Variants in TTC28 observed in about 807,000 individuals in gnomAD.
TTC28 encodes the protein tetratricopeptide repeat protein 28.
Under a neutral mutation model 198.0 loss-of-function variants are expected in TTC28, and 61 were observed. The observed-to-expected ratio is 0.31, with a 90% CI of 0.25 to 0.38. TTC28 has a LOEUF of 0.38. Among genes scored for constraint, TTC28 ranks in the 10% least tolerant of loss-of-function variants. The pLI is 1.00. For missense variants in TTC28, 2,678 were observed against 3,164.0 expected, an observed-to-expected ratio of 0.85 and a Z score of 3.69; for synonymous variants, 1,171 against 1,297.8, an observed-to-expected ratio of 0.90 and a Z score of 2.10.
At chr22:28,444,595 C>T (rs948957917) in intron 2 of TTC28, among the ~76,000 whole-genome samples, 1 of 152,040 alleles carries the variant, frequency 6.6e-6, no homozygotes, top group African/African-American at 2.4e-5. Flanking sequence ...ATCTCACAGC[C>T]CTGCAAGGAA....
At chr22:28,357,616 T>C (rs908546391) in intron 2 of TTC28, among the ~76,000 whole-genome samples, 10 of 152,200 alleles carry the variant, frequency 6.6e-5, no homozygotes, top group African/African-American at 2.2e-4. Flanking sequence ...CAGCCACTTT[T>C]ATCAAATTTC....
chr22:28,329,692 AG>A (rs2045586138), intron 2 of TTC28, among the ~76,000 whole-genome samples: 1 of 151,928 alleles, frequency 6.6e-6, no homozygotes, highest in Non-Finnish European at 1.5e-5. Flanking sequence ...TTGTTTTTTT[AG>A]GTAGTTATTT....
intron 5 of TTC28, among the ~76,000 whole-genome samples, chr22:28,218,702 G>A (rs1366689869): frequency 6.6e-6 from 1 of 151,972 alleles, no homozygotes; most frequent in Non-Finnish European, 1.5e-5. Context: ...TTTAATCACT[G>A]CAAATACTAA....
intron 2 of TTC28, among the ~76,000 whole-genome samples, chr22:28,384,707 C>T (rs1360695974): frequency 2.0e-5 from 3 of 152,206 alleles, no homozygotes; most frequent in Non-Finnish European, 4.4e-5. Context: ...CTAAAATACT[C>T]CATTACATCT....
chr22:28,495,543 C>T (rs765936038), intron 2 of TTC28, among the ~76,000 whole-genome samples: 2 of 152,088 alleles, frequency 1.3e-5, no homozygotes, highest in African/African-American at 2.4e-5. Flanking sequence ...TTTTTCTTCC[C>T]ATGCTTCATT....
chr22:28,035,822 G>A (rs1939317701), intron 12 of TTC28, among the ~76,000 whole-genome samples: 1 of 152,176 alleles, frequency 6.6e-6, no homozygotes, highest in African/African-American at 2.4e-5. Context: ...AAGAAAAACA[G>A]CAGGGGTTGC....
At chr22:28,218,229 T>A (rs1248964424) in intron 5 of TTC28, among the ~76,000 whole-genome samples, 2 of 152,242 alleles carry the variant, frequency 1.3e-5, no homozygotes, top group African/African-American at 4.8e-5. Flanking sequence ...TGCCCACTCA[T>A]AATTTTATAA....
At chr22:28,406,565 A>G (rs892077982) in intron 2 of TTC28, among the ~76,000 whole-genome samples, 2 of 152,230 alleles carry the variant, frequency 1.3e-5, no homozygotes, top group African/African-American at 4.8e-5. Flanking sequence ...ACACATAGAA[A>G]GATAATCATA....
intron 12 of TTC28, among the ~76,000 whole-genome samples, chr22:28,087,948 C>A (rs1289030275): frequency 6.6e-6 from 1 of 152,156 alleles, no homozygotes; most frequent in East Asian, 1.9e-4. Flanking sequence ...AGGAATCCAA[C>A]TTACAAGGGA....
intron 2 of TTC28, among the ~76,000 whole-genome samples, chr22:28,480,175 G>A (rs572532567): frequency 1.3e-5 from 2 of 152,292 alleles, no homozygotes; most frequent in Admixed American, 1.3e-4. Flanking sequence ...AGAGAAACAA[G>A]AGTGCTCCTA....
At chr22:28,185,030 G>A (rs1924061464) in intron 5 of TTC28, among the ~76,000 whole-genome samples, 1 of 152,084 alleles carries the variant, frequency 6.6e-6, no homozygotes, top group Non-Finnish European at 1.5e-5. Flanking sequence ...TGATAGTCAT[G>A]GGACTTTAGG....
intron 2 of TTC28, among the ~76,000 whole-genome samples, chr22:28,597,151 T>A (rs1398807483): frequency 6.6e-6 from 1 of 152,196 alleles, no homozygotes; most frequent in African/African-American, 2.4e-5. Context: ...AGTTTGTGCA[T>A]TTTTTGTCTT....
At chr22:28,427,059 A>ATAACATT (rs2047360811) in intron 2 of TTC28, among the ~76,000 whole-genome samples, 1 of 152,232 alleles carries the variant, frequency 6.6e-6, no homozygotes, top group Non-Finnish European at 1.5e-5. Flanking sequence ...AAACCTACAG[A>ATAACATT]TAACATTTTT....
At chr22:28,326,187 G>A (rs1020824150) in intron 2 of TTC28, among the ~76,000 whole-genome samples, 3 of 152,104 alleles carry the variant, frequency 2.0e-5, no homozygotes, top group Admixed American at 6.5e-5. Context: ...TGTAATATGG[G>A]TGAAACTCAA....
At chr22:28,391,578 T>C (rs1423030636) in intron 2 of TTC28, among the ~76,000 whole-genome samples, 5 of 152,214 alleles carry the variant, frequency 3.3e-5, no homozygotes, top group Non-Finnish European at 7.3e-5. Flanking sequence ...CCTTCTTGCT[T>C]CATTTCATTC....
intron 5 of TTC28, among the ~76,000 whole-genome samples, chr22:28,232,176 C>T (rs1928861346): frequency 6.6e-6 from 1 of 152,304 alleles, no homozygotes; most frequent in East Asian, 1.9e-4. Flanking sequence ...CACTCCAGCA[C>T]AGCTGTTTGA....
intron 2 of TTC28, among the ~76,000 whole-genome samples, chr22:28,410,642 G>A (rs1358640427): frequency 1.3e-5 from 2 of 152,194 alleles, no homozygotes; most frequent in Non-Finnish European, 1.5e-5. Flanking sequence ...CATTCAAAAA[G>A]GGGGAATAGC....
intron 22 of TTC28, 79 bp from the exon 23 acceptor site, chr22:27,983,930 C>CTT: frequency 7.2e-7 from 1 of 1,395,588 alleles, no homozygotes; most frequent in Non-Finnish European, 9.6e-7. Context: ...TTTACGACAT[C>CTT]TTTATATGCA....
At chr22:28,064,386 T>G (rs1050525147) in intron 12 of TTC28, among the ~76,000 whole-genome samples, 8 of 152,156 alleles carry the variant, frequency 5.3e-5, no homozygotes, top group African/African-American at 1.9e-4. Flanking sequence ...CAAACCTCTC[T>G]GATTCTGTGT....
Sources: gnomAD v4.1 joint callset for allele counts (sites outside exome capture counted in the v4.1 genomes callset) on GRCh38, gnomAD v4.1.1 for gene constraint, MANE v1.5 for transcripts, NCBI Gene and HGNC (gene_info 2026-07-23, HGNC 2026-07-21) for gene names.